STK3: variants seen among roughly 807,000 people sequenced by gnomAD.
STK3 encodes serine/threonine kinase 3.
STK3 carries 41 observed loss-of-function variants against 58.0 expected under a neutral mutation model. The ratio of observed to expected loss-of-function variants is 0.71; its 90% CI spans 0.55 to 0.92. STK3 has a LOEUF of 0.92. Among genes scored for constraint, STK3 ranks in the 40% least tolerant of loss-of-function variants. The probability of loss-of-function intolerance (pLI) is 0.00; values close to 1 mark genes in which losing one functional copy is unlikely to be tolerated. For synonymous variants in STK3, 170 were observed against 191.0 expected, an observed-to-expected ratio of 0.89 and a Z score of 0.91; for missense variants, 479 against 602.7, an observed-to-expected ratio of 0.79 and a Z score of 2.15.
intron 4 of STK3, among the ~76,000 whole-genome samples, chr8:98,719,110 G>A (rs945892402): frequency 3.9e-5 from 6 of 152,278 alleles, no homozygotes; most frequent in Admixed American, 1.3e-4. Context: ...GGGAGTGGGA[G>A]GTAGGAGTGT....
At chr8:98,701,600 C>A (rs1024471874) in intron 6 of STK3, among the ~76,000 whole-genome samples, 4 of 150,104 alleles carry the variant, frequency 2.7e-5, no homozygotes, top group Admixed American at 2.0e-4. Flanking sequence ...CCAGCCCAGA[C>A]AACAGAGCGA....
chr8:98,648,455 T>G (rs1014349816), intron 6 of STK3, among the ~76,000 whole-genome samples: 3 of 152,226 alleles, frequency 2.0e-5, no homozygotes, highest in Non-Finnish European at 4.4e-5. Context: ...TGCTTTTATT[T>G]TTATGAGATA....
At chr8:98,356,093 G>A in the STK3 span, among the ~76,000 whole-genome samples, 1 of 152,176 alleles carries the variant, frequency 6.6e-6, no homozygotes, top group Non-Finnish European at 1.5e-5. Flanking sequence ...TCCTACCATG[G>A]GTGATACCAT....
At chr8:98,932,169 G>C (rs1014011752) in intron 1 of STK3, among the ~76,000 whole-genome samples, 4 of 152,244 alleles carry the variant, frequency 2.6e-5, no homozygotes, top group Middle Eastern at 6.8e-3. Context: ...GAGCAAGTGA[G>C]AAGCCAATGA....
At chr8:98,883,850 G>A (rs1837885711) in intron 1 of STK3, 9 of 643,692 alleles carry the variant, frequency 1.4e-5, no homozygotes, top group Admixed American at 1.1e-4. Flanking sequence ...TGGAATAAAA[G>A]ATTCACTCCT....
intron 6 of STK3, among the ~76,000 whole-genome samples, chr8:98,621,191 C>T (rs1011561231): frequency 3.9e-5 from 6 of 152,212 alleles, no homozygotes; most frequent in Admixed American, 2.0e-4. Context: ...CCGCCCGCCT[C>T]GGCCTCCCAA....
chr8:98,438,680 A>C (rs1818580683), intron 1 of STK3: 1 of 142,900 alleles, frequency 7.0e-6, no homozygotes, highest in South Asian at 2.4e-4. Flanking sequence ...GTGTGTATCT[A>C]TGTGTGTGTA....
upstream of STK3, among the ~76,000 whole-genome samples, chr8:98,827,049 A>G (rs1835339524): frequency 5.2e-5 from 7 of 133,596 alleles, no homozygotes; most frequent in South Asian, 1.7e-3. Flanking sequence ...GAAATTGTCA[A>G]GATGGGCCGG....
intron 1 of STK3, among the ~76,000 whole-genome samples, chr8:98,919,927 C>G (rs1839492353): frequency 6.6e-6 from 1 of 152,168 alleles, no homozygotes; most frequent in Non-Finnish European, 1.5e-5. Context: ...AGCCTTTTGT[C>G]CCCTGCACAT....
At chr8:98,461,161 A>C (rs1819940429) in intron 10 of STK3, among the ~76,000 whole-genome samples, 1 of 152,154 alleles carries the variant, frequency 6.6e-6, no homozygotes, top group Non-Finnish European at 1.5e-5. Flanking sequence ...TATGAATCTC[A>C]GAGCTCAAGA....
chr8:98,475,376 A>T (rs1229276584), intron 10 of STK3, among the ~76,000 whole-genome samples: 1 of 152,224 alleles, frequency 6.6e-6, no homozygotes, highest in African/African-American at 2.4e-5. Context: ...AGAGGCAGTG[A>T]CAACAGAGAT....
chr8:98,859,192 G>A (rs961463375), intron 3 of STK3, among the ~76,000 whole-genome samples: 4 of 152,172 alleles, frequency 2.6e-5, no homozygotes, highest in African/African-American at 9.6e-5. Flanking sequence ...CAAGGTAGTA[G>A]GGCAGAGACA....
chr8:98,647,551 T>C lies in STK3; in HGVS notation c.685-51382A>G, dbSNP rs183873789. 1.6e-3 allele frequency among the ~76,000 whole-genome samples: 247 copies of C among 152,296 alleles called. 1 individual carries two copies. Among genetic ancestry groups the C allele is most frequent in the Non-Finnish European group, 2.1e-3 (146 of 68,036 alleles). ...ACAATAAATATATAGTATGTTCTTTTTGTTTGTTTTTTGAGACAGGGTCTC... is the reference window on the plus strand; with the variant it reads ...ACAATAAATATATAGTATGTTCTTTCTGTTTGTTTTTTGAGACAGGGTCTC... On this transcript the variant is annotated intron_variant, in intron 6 of 10. Transcript: ENST00000419617.
At chr8:98,554,276 T>C (rs568871481) in intron 8 of STK3, among the ~76,000 whole-genome samples, 1 of 152,278 alleles carries the variant, frequency 6.6e-6, no homozygotes, top group South Asian at 2.1e-4. Flanking sequence ...TGGTTGAATA[T>C]CTTATTTTGT....
intron 10 of STK3, among the ~76,000 whole-genome samples, chr8:98,522,753 G>T (rs1214337367): frequency 6.6e-6 from 1 of 152,064 alleles, no homozygotes; most frequent in Non-Finnish European, 1.5e-5. Flanking sequence ...CCATCTCGAT[G>T]AATTTGACTA....
downstream of STK3, chr8:98,879,918 A>T (rs2131895106): frequency 6.6e-6 from 1 of 152,346 alleles, no homozygotes; most frequent in Non-Finnish European, 1.5e-5. Context: ...TCGAATAAGA[A>T]AATCACTTGA....
intron 3 of STK3, among the ~76,000 whole-genome samples, chr8:98,406,803 G>A (rs1817998847): frequency 6.6e-6 from 1 of 152,156 alleles, no homozygotes; most frequent in Non-Finnish European, 1.5e-5. Flanking sequence ...CACAGTATAG[G>A]CTGATGAGAT....
At chr8:98,520,206 C>T (rs1825244384) in intron 10 of STK3, among the ~76,000 whole-genome samples, 1 of 152,134 alleles carries the variant, frequency 6.6e-6, no homozygotes, top group African/African-American at 2.4e-5. Context: ...TTCATAAGCA[C>T]ATCCTAAACA....
At chr8:98,476,396 C>T (rs1433513522) in intron 10 of STK3, among the ~76,000 whole-genome samples, 1 of 152,162 alleles carries the variant, frequency 6.6e-6, no homozygotes, top group African/African-American at 2.4e-5. Flanking sequence ...TTACAAAGGA[C>T]ACTGACACGG....
Sources: gnomAD v4.1 joint callset for allele counts (sites outside exome capture counted in the v4.1 genomes callset) on GRCh38, gnomAD v4.1.1 for gene constraint, MANE v1.5 for transcripts, NCBI Gene and HGNC (gene_info 2026-07-23, HGNC 2026-07-21) for gene names.